The following ANO2 variants were observed in gnomAD, a reference collection of about 807,000 sequenced individuals.
The protein encoded by ANO2 is anoctamin-2.
A neutral mutation model predicts 124.2 loss-of-function variants in ANO2; 101 were observed. The observed-to-expected ratio is 0.81, with a 90% CI of 0.69 to 0.96. ANO2 has a LOEUF of 0.96. Ranked by LOEUF, ANO2 falls within the 40% of genes least tolerant of loss-of-function variation. ANO2 has a pLI of 0.00. For missense variants in ANO2, 1,293 were observed against 1,274.5 expected, an observed-to-expected ratio of 1.01 and a Z score of -0.22; for synonymous variants, 486 against 482.5, an observed-to-expected ratio of 1.01 and a Z score of -0.09.
At chr12:5,885,396 C>G (rs573201565) in intron 3 of ANO2, among the ~76,000 whole-genome samples, 1 of 152,362 alleles carries the variant, frequency 6.6e-6, no homozygotes, top group South Asian at 2.1e-4. Context: ...GTGACCAAAG[C>G]TGGCCAAAGA....
At chr12:5,604,258 CG>C (rs1362488752) in intron 19 of ANO2, among the ~76,000 whole-genome samples, 1 of 152,056 alleles carries the variant, frequency 6.6e-6, no homozygotes, top group African/African-American at 2.4e-5. Flanking sequence ...GAGAATACAA[CG>C]TAAGAGGCAG....
rs778018914 is a variant in ANO2 at position 5,807,373 on chromosome 12, G to A, written c.893-5C>T. On this transcript the variant is annotated splice_polypyrimidine_tract_variant and splice_region_variant and intron_variant, in intron 7 of 24. Coordinates refer to ENST00000682330, the MANE Select transcript of ANO2 (RefSeq NM_001364791.2). ...TTGCGATCAGAGAGTTAATACCTAC[G>A]GAAGAAAGGGAGATGAAAATAGTAA... is the stretch of plus-strand genomic sequence containing the variant. The A allele has an allele frequency of 1.5e-5, 23 of 1,552,916 alleles. No individual in the cohort carries two copies. The highest frequency in any genetic ancestry group is 9.7e-5 in the East Asian group (4 of 41,350).
chr12:5,801,194 CA>C (rs1323351093), intron 9 of ANO2, among the ~76,000 whole-genome samples: 2 of 152,124 alleles, frequency 1.3e-5, no homozygotes, highest in African/African-American at 4.8e-5. Context: ...GGGGCAAAAC[CA>C]AACACATCAG....
At chr12:5,866,234 G>A (rs1591715372) in intron 3 of ANO2, among the ~76,000 whole-genome samples, 1 of 152,176 alleles carries the variant, frequency 6.6e-6, no homozygotes, top group Non-Finnish European at 1.5e-5. Flanking sequence ...GATAACAGTG[G>A]CCATCGATTC....
chr12:5,678,617 C>T (rs1002850852), intron 14 of ANO2, among the ~76,000 whole-genome samples: 15 of 152,106 alleles, frequency 9.9e-5, no homozygotes, highest in South Asian at 2.1e-4. Context: ...TTCTGTGCTA[C>T]GTGGAATTAG....
At chr12:5,630,560 G>A (rs1446962793) in intron 16 of ANO2, among the ~76,000 whole-genome samples, 1 of 152,220 alleles carries the variant, frequency 6.6e-6, no homozygotes, top group Non-Finnish European at 1.5e-5. Context: ...GGCAGACAGA[G>A]TTGAAATAAG....
At chr12:5,901,997 C>T (rs967771751) in intron 3 of ANO2, among the ~76,000 whole-genome samples, 4 of 152,180 alleles carry the variant, frequency 2.6e-5, no homozygotes, top group Non-Finnish European at 4.4e-5. Context: ...GAAGAACTTC[C>T]TCCTGAGATT....
chr12:5,774,818 T>C (rs1952180978), intron 10 of ANO2, among the ~76,000 whole-genome samples: 1 of 152,186 alleles, frequency 6.6e-6, no homozygotes, highest in South Asian at 2.1e-4. Context: ...TCATTCATAC[T>C]TCTTTCAAAT....
intron 14 of ANO2, among the ~76,000 whole-genome samples, chr12:5,665,869 C>T (rs373144652): frequency 1.3e-5 from 2 of 152,118 alleles, no homozygotes; most frequent in Admixed American, 6.5e-5. Context: ...GAGCCACCCC[C>T]CTGTGCCACT....
intron 1 of ANO2, among the ~76,000 whole-genome samples, chr12:5,942,497 G>T (rs1440928322): frequency 6.6e-6 from 1 of 152,188 alleles, no homozygotes. Context: ...TGACAGCCAT[G>T]TTACTTACTG....
intron 20 of ANO2, among the ~76,000 whole-genome samples, chr12:5,585,841 C>A (rs1460511078): frequency 2.0e-5 from 3 of 152,176 alleles, no homozygotes; most frequent in Non-Finnish European, 4.4e-5. Context: ...TATTCTTTCT[C>A]CTCTACCTCT....
intron 3 of ANO2, among the ~76,000 whole-genome samples, chr12:5,909,988 T>G (rs1313047730): frequency 6.6e-6 from 1 of 152,228 alleles, no homozygotes. Flanking sequence ...ACTAAATGTA[T>G]AGAAACAGAG....
In ANO2 at chr12:5,799,363, G is replaced by A. The variant is rs555767542; in HGVS notation, c.1055+144C>T. 1.8e-5 allele frequency: 13 copies of A among 720,292 alleles called. No individual in the cohort carries two copies. The East Asian group carries it at 3.5e-4, about 20-fold the overall frequency. The allele number at this position is 720,292 out of a possible 1,614,324, so 44.6% of individuals were successfully genotyped here. ...TGTCCCCAGCTGCTTCCCCACCCAT[G>A]AGACACAGAGGAGTGGATCATAGAA... is the stretch of plus-strand genomic sequence containing the variant. On this transcript the variant is annotated intron_variant, in intron 10 of 24. Transcript: ENST00000682330.
intron 7 of ANO2, among the ~76,000 whole-genome samples, chr12:5,808,019 A>C (rs765518374): frequency 1.3e-5 from 2 of 152,220 alleles, no homozygotes; most frequent in Admixed American, 1.3e-4. Context: ...GCACATGCTG[A>C]CATCATCCCC....
At chr12:5,942,761 T>C (rs549699427) in intron 1 of ANO2, among the ~76,000 whole-genome samples, 1 of 152,230 alleles carries the variant, frequency 6.6e-6, no homozygotes, top group Non-Finnish European at 1.5e-5. Flanking sequence ...ATTCATCTCC[T>C]AAGAGAGGCC....
chr12:5,830,455 T>C lies in ANO2; in HGVS notation c.820A>G (p.Asn274Asp). ...NIQEKDTFFDNATRSRIVHEI... is the reference protein window; with the variant it reads ...NIQEKDTFFDDATRSRIVHEI... ...CTTACAATGCGGCTGCGGGTGGCAT[T>C]ATCAAAGAAGGTGTCCTTTTCCTGG... Residue 274 changes from asparagine to aspartate, a missense_variant, in exon 6 of 25, where the codon AAT becomes GAT. Transcript: ENST00000682330. The C allele has an allele frequency of 6.2e-7, 1 of 1,613,078 alleles. No individual in the cohort carries two copies. The highest frequency in any genetic ancestry group is 1.1e-5 in the South Asian group (1 of 90,592).
At chr12:5,923,019 CGCACACACACAT>C (rs1348544397) in intron 1 of ANO2, among the ~76,000 whole-genome samples, 3 of 151,628 alleles carry the variant, frequency 2.0e-5, no homozygotes, top group African/African-American at 7.3e-5. Flanking sequence ...CATACACACA[CGCACACACACAT>C]ACACACACAT....
rs149278833 is a variant in ANO2, at chr12:5,862,782, C to CTCTT, written c.535-8645_535-8642dup. ...ATCTGATGGTTTTATAAGGGAAAAC[C>CTCTT]TCTTTCTTTCTTTCTTTCTTTTTTT... is the stretch of plus-strand genomic sequence containing the variant. On this transcript the variant is annotated intron_variant, in intron 3 of 24. Coordinates refer to ENST00000682330, the MANE Select transcript of ANO2 (RefSeq NM_001364791.2). This position sits in a 1 kb window ranked among gnomAD's most constrained non-coding sequence, Gnocchi z 4.0. 1.6e-4 allele frequency among the ~76,000 whole-genome samples: 25 copies of CTCTT among 151,824 alleles called. No individual in the cohort carries two copies. The highest frequency in any genetic ancestry group is 4.2e-4 in the South Asian group (2 of 4,798).
intron 19 of ANO2, among the ~76,000 whole-genome samples, chr12:5,602,352 G>C (rs1157464008): frequency 6.6e-6 from 1 of 151,960 alleles, no homozygotes; most frequent in Middle Eastern, 3.2e-3. Context: ...CCAGGCTCAA[G>C]CTATCATCCC....
Sources: allele counts gnomAD v4.1 joint callset (sites outside exome capture counted in the v4.1 genomes callset), GRCh38; gene constraint gnomAD v4.1.1; non-coding constraint Gnocchi (gnomAD v3.1); transcripts MANE v1.5; gene names NCBI Gene and HGNC (gene_info 2026-07-23, HGNC 2026-07-21).